Variants in SLC23A1 observed in about 807,000 individuals in gnomAD.
SLC23A1 encodes the protein solute carrier family 23 member 1, also known as Na(+)/L-ascorbic acid transporter 1.
Under a neutral mutation model 62.5 loss-of-function variants are expected in SLC23A1, and 31 were observed. The observed-to-expected ratio is 0.50, with a 90% CI of 0.37 to 0.67. SLC23A1 has a LOEUF of 0.67. Among genes scored for constraint, SLC23A1 ranks in the 30% least tolerant of loss-of-function variants. The pLI is 0.00. For missense variants in SLC23A1, 640 were observed against 782.7 expected, an observed-to-expected ratio of 0.82 and a Z score of 2.18; for synonymous variants, 271 against 313.2, an observed-to-expected ratio of 0.87 and a Z score of 1.42.
At position 139,380,778 on chromosome 5, in the gene SLC23A1, G is replaced by T; in HGVS notation, c.397+20C>A. 1 of 1,524,896 alleles carries T rather than the reference G, an allele frequency of 6.6e-7. No individual in the cohort carries two copies. The highest frequency in any genetic ancestry group is 9.0e-7 in the Non-Finnish European group (1 of 1,113,266). The allele number at this position is 1,524,896 out of a possible 1,614,324, so 94.5% of individuals were successfully genotyped here. ...TGGGCCTCCCCTTTTCCCCAGTGCA[G>T]ACCCCAGAAGTGTACCCACCTTCCG... On this transcript the variant is annotated intron_variant, in intron 4 of 14. Coordinates refer to ENST00000348729, the MANE Select transcript of SLC23A1 (RefSeq NM_005847.5).
In SLC23A1 at chr5:139,377,438, C is replaced by T. The variant is rs1315334437; in HGVS notation, c.1513G>A (p.Gly505Arg). ...VLLTTEMFVG[G>R]CLAFILDNTV... is the part of the protein sequence containing the mutation. ...TTGTCAAGTATGAAAGCAAGGCACCCGCCCACAAACATCTCCGTGGTCAGC... is the reference window on the plus strand; with the variant it reads ...TTGTCAAGTATGAAAGCAAGGCACCTGCCCACAAACATCTCCGTGGTCAGC... The change falls in exon 13 of 15, where the codon GGG (glycine) becomes AGG (arginine). Residue 505 changes from glycine to arginine, a missense_variant. Coordinates refer to ENST00000348729, the MANE Select transcript of SLC23A1 (RefSeq NM_005847.5). The T allele has an allele frequency of 1.9e-6, 3 of 1,610,872 alleles. No homozygotes were observed. The highest frequency in any genetic ancestry group is 1.1e-5 in the South Asian group (1 of 91,020).
At chr5:139,372,292 A>G (rs199755150) in intron 13 of SLC23A1, 39 bp from the exon 14 acceptor site, 390 of 1,585,666 alleles carry the variant, frequency 2.5e-4, no homozygotes, top group Admixed American at 3.3e-4. Flanking sequence ...AAGGCCAGCA[A>G]CCCTCAGCCA....
At position 139,379,611 on chromosome 5, in the gene SLC23A1, G is replaced by A. The variant is rs1234443785; in HGVS notation, c.925+67C>T. ...TAGGTGTGTCACCTGCTGGATTGGG[G>A]TCACCAGGAGTCTGTCTCATAGGTG... is the stretch of plus-strand genomic sequence containing the variant. On this transcript the variant is annotated intron_variant, in intron 8 of 14. Transcript: ENST00000348729. This position sits in a 1 kb window ranked among gnomAD's most constrained non-coding sequence, Gnocchi z 4.7. The A allele has an allele frequency of 7.6e-6, 11 of 1,449,518 alleles. No individual in the cohort carries two copies. The highest frequency in any genetic ancestry group is 1.7e-4 in the Middle Eastern group (1 of 5,818). The allele number at this position is 1,449,518 out of a possible 1,614,324, so 89.8% of individuals were successfully genotyped here.
chr5:139,384,247 G>T, upstream of SLC23A1: 1 of 865,422 alleles, frequency 1.2e-6, no homozygotes, highest in Non-Finnish European at 1.5e-6. Flanking sequence ...AGGGGGACAT[G>T]GGGAGGGGCC....
chr5:139,377,173 C>T (rs1757986771), intron 13 of SLC23A1, among the ~76,000 whole-genome samples: 1 of 151,960 alleles, frequency 6.6e-6, no homozygotes, highest in Non-Finnish European at 1.5e-5. Context: ...ATTCACAGGA[C>T]CCAGCAGTGA....
chr5:139,384,379 G>C, upstream of SLC23A1: 1 of 1,288,928 alleles, frequency 7.8e-7, no homozygotes, highest in Non-Finnish European at 1.0e-6. Flanking sequence ...TGTGCCCATG[G>C]CCAGGCCCTG....
rs1157200523 is a variant in SLC23A1, at chr5:139,378,388, C to T, written c.1180-37G>A. The T allele has an allele frequency of 1.3e-5, 20 of 1,545,656 alleles. No homozygotes were observed. The highest frequency in any genetic ancestry group is 1.7e-5 in the Non-Finnish European group (19 of 1,144,406). On this transcript the variant is annotated intron_variant, in intron 10 of 14. Transcript: ENST00000348729. This position sits in a 1 kb window ranked among gnomAD's most constrained non-coding sequence, Gnocchi z 4.5. ...CCAGCGGGGAAGCTAGACCTGGGGA[C>T]GAGGCTGGGGCGGGGTTAGTTCCAG...
upstream of SLC23A1, chr5:139,384,883 T>C: frequency 2.6e-6 from 1 of 381,220 alleles, no homozygotes; most frequent in Non-Finnish European, 3.6e-6. Flanking sequence ...GTGTCTAGGG[T>C]TTCTCTCCTG....
Position 139,378,918 on chromosome 5 carries a change from G to A in SLC23A1, c.1074-234C>T, listed in dbSNP as rs776148984. ...CCTCCTGGGATAAATACCGGTGCCC[G>A]TCTCACAAAATGCTTCAAAGATTGC... On this transcript the variant is annotated intron_variant, in intron 9 of 14. Transcript: ENST00000348729. This position sits in a 1 kb window ranked among gnomAD's most constrained non-coding sequence, Gnocchi z 4.5. 1.5e-4 allele frequency among the ~76,000 whole-genome samples: 23 copies of A among 152,164 alleles called. No individual in the cohort carries two copies. Among genetic ancestry groups the A allele is most frequent in the Admixed American group, 5.2e-4 (8 of 15,278 alleles).
intron 14 of SLC23A1, among the ~76,000 whole-genome samples, chr5:139,369,936 G>T (rs1757549894): frequency 1.3e-5 from 2 of 152,228 alleles, no homozygotes. Flanking sequence ...TCAGACTTCA[G>T]TGTCAGGGGA....
chr5:139,374,467 AC>A (rs1209187914), intron 13 of SLC23A1, among the ~76,000 whole-genome samples: 2 of 152,168 alleles, frequency 1.3e-5, no homozygotes, highest in Non-Finnish European at 2.9e-5. Context: ...AACAAAAAAA[AC>A]AAATGCAAAA....
rs1758206712 is a variant in SLC23A1 at position 139,380,647 on chromosome 5, A to C, written c.398-15T>G. 1 of 1,596,790 alleles carries C rather than the reference A, an allele frequency of 6.3e-7. No individual in the cohort carries two copies. Among genetic ancestry groups the C allele is most frequent in the African/African-American group, 1.3e-5 (1 of 74,534 alleles). ...GTAGATCTCCTCTGGGGGTAGAGTC[A>C]GGGATACACACACGGACCAGGTACA... On this transcript the variant is annotated splice_polypyrimidine_tract_variant and intron_variant, in intron 4 of 14. Coordinates refer to ENST00000348729, the MANE Select transcript of SLC23A1 (RefSeq NM_005847.5).
chr5:139,380,973 G>C, intron 3 of SLC23A1, 87 bp from the exon 4 acceptor site: 5 of 685,512 alleles, frequency 7.3e-6, no homozygotes, highest in African/African-American at 1.8e-5. Context: ...GGAAGGGAGA[G>C]CACAGAGAGA....
chr5:139,377,900 G>C (rs561083773), intron 12 of SLC23A1, 75 bp downstream of exon 12: 1 of 1,442,460 alleles, frequency 6.9e-7, no homozygotes, highest in Non-Finnish European at 9.5e-7. Context: ...GCTGTGTGGA[G>C]CCTTTGAGGG....
Position 139,378,100 on chromosome 5 carries a change from C to G in SLC23A1, c.1328G>C (p.Gly443Ala). Residue 443 changes from glycine (G) to alanine (A), a missense_variant, in exon 12 of 15, where the codon GGG becomes GCG. By Grantham distance (60) the Gly-to-Ala change is moderately conservative (BLOSUM62 0). Coordinates refer to ENST00000348729, the MANE Select transcript of SLC23A1 (RefSeq NM_005847.5). The surrounding 1 kb of genome is among the most constrained non-coding windows in gnomAD (Gnocchi z 4.5). Reference protein sequence around the residue: ...CTLFGMITAVGLSNLQFVDMN... With the variant: ...CTLFGMITAVALSNLQFVDMN... Reference sequence around the variant, plus strand: ...GTCCACAAATTGCAGGTTGGACAGCCCCACAGCTGTAATCATGCCTAAGGG... The same window carrying G: ...GTCCACAAATTGCAGGTTGGACAGCGCCACAGCTGTAATCATGCCTAAGGG... 1 of 1,614,216 alleles carries G rather than the reference C, an allele frequency of 6.2e-7. No homozygotes were observed. Among genetic ancestry groups the G allele is most frequent in the Non-Finnish European group, 8.5e-7 (1 of 1,180,040 alleles).
chr5:139,384,158 A>C (rs998596159), upstream of SLC23A1, among the ~76,000 whole-genome samples: 1 of 152,262 alleles, frequency 6.6e-6, no homozygotes, highest in African/African-American at 2.4e-5. Flanking sequence ...CACCTAGCCC[A>C]GGAAGGCAGT....
At chr5:139,368,768 T>C in intron 14 of SLC23A1, 1 of 1,613,794 alleles carries the variant, frequency 6.2e-7, no homozygotes, top group Non-Finnish European at 8.5e-7. Context: ...CAAAGGAGTT[T>C]GTTCCTGGGG....
At position 139,379,245 on chromosome 5, in the gene SLC23A1, C is replaced by T; in HGVS notation, c.1035G>A (p.Leu345=). The T allele has an allele frequency of 6.2e-7, 1 of 1,614,198 alleles. No individual in the cohort carries two copies. The highest frequency in any genetic ancestry group is 8.5e-7 in the Non-Finnish European group (1 of 1,180,028). The change falls in exon 9 of 15, where the codon CTG becomes CTA. Residue 345 remains leucine, a synonymous_variant. Transcript: ENST00000348729. The surrounding 1 kb of genome is among the most constrained non-coding windows in gnomAD (Gnocchi z 4.7). ...GTACTGGAGGGGGTGGTGCACCAGC[C>T]AGGCGGGCACAGGCGTAGTAATCTC... ...SIGDYYACAR[L]AGAPPPPVHA...
In SLC23A1 at chr5:139,372,735, C is replaced by T. The variant is rs530733898; in HGVS notation, c.1550-482G>A. Among the ~76,000 whole-genome samples the T allele has an allele frequency of 2.0e-5, 3 of 152,208 alleles. No homozygotes were observed. The South Asian group carries it at 6.2e-4, about 32-fold the overall frequency. On this transcript the variant is annotated intron_variant, in intron 13 of 14. Coordinates refer to ENST00000348729, the MANE Select transcript of SLC23A1 (RefSeq NM_005847.5). Reference sequence around the variant, plus strand: ...TAGTAGCTGGGATTACAGGCATGCACCACCATGCCCAGCTAATTTTTGTAT... The same window carrying T: ...TAGTAGCTGGGATTACAGGCATGCATCACCATGCCCAGCTAATTTTTGTAT...
Sources: allele counts gnomAD v4.1 joint callset (sites outside exome capture counted in the v4.1 genomes callset), GRCh38; gene constraint gnomAD v4.1.1; non-coding constraint Gnocchi (gnomAD v3.1); transcripts MANE v1.5; gene names NCBI Gene and HGNC (gene_info 2026-07-23, HGNC 2026-07-21).